The following DCC variants were observed in gnomAD, a reference collection of about 807,000 sequenced individuals.
DCC encodes the protein DCC netrin 1 receptor, also known as netrin receptor DCC.
DCC carries 58 observed loss-of-function variants against 172.5 expected under a neutral mutation model. The ratio of observed to expected loss-of-function variants is 0.34; its 90% CI spans 0.27 to 0.42. The LOEUF (loss-of-function observed/expected upper bound fraction) is 0.42, where lower values mean the gene tolerates loss of function less well. DCC is among the 10% of genes least tolerant of loss of function. The probability of loss-of-function intolerance (pLI) is 1.00; values close to 1 mark genes in which losing one functional copy is unlikely to be tolerated. For synonymous variants in DCC, 709 were observed against 644.5 expected (o/e 1.10, Z -1.52); for missense variants, 1,740 against 1,791.0 (o/e 0.97, Z 0.51).
chr18:53,396,453 C>T (rs991434997), intron 17 of DCC, among the ~76,000 whole-genome samples: 26 of 152,242 alleles, frequency 1.7e-4, no homozygotes, highest in African/African-American at 6.3e-4. Flanking sequence ...ATTTAAAAGA[C>T]AAAGAATGAA....
At chr18:53,172,775 C>G (rs2055033220) in intron 8 of DCC, among the ~76,000 whole-genome samples, 1 of 152,062 alleles carries the variant, frequency 6.6e-6, no homozygotes, top group Non-Finnish European at 1.5e-5. Flanking sequence ...GACCTCATGT[C>G]TTTTACCCAA....
intron 2 of DCC, among the ~76,000 whole-genome samples, chr18:52,892,872 T>G (rs2039671369): frequency 6.6e-6 from 1 of 152,152 alleles, no homozygotes; most frequent in Non-Finnish European, 1.5e-5. Context: ...TTTCCCCCAG[T>G]AGGTACTTCC....
intron 9 of DCC, among the ~76,000 whole-genome samples, chr18:53,185,667 C>A (rs1404058940): frequency 6.6e-6 from 1 of 152,150 alleles, no homozygotes; most frequent in Non-Finnish European, 1.5e-5. Flanking sequence ...TCAGAAAGTT[C>A]TCTCAGACAG....
intron 12 of DCC, among the ~76,000 whole-genome samples, chr18:53,229,501 T>C (rs564994329): frequency 6.6e-6 from 1 of 152,256 alleles, no homozygotes; most frequent in African/African-American, 2.4e-5. Context: ...GCCCTTTAGG[T>C]TATTCATATC....
intron 8 of DCC, among the ~76,000 whole-genome samples, chr18:53,163,884 CA>C (rs1248523965): frequency 6.6e-6 from 1 of 152,184 alleles, no homozygotes; most frequent in Non-Finnish European, 1.5e-5. Flanking sequence ...GTTTTATCAT[CA>C]ACAGTGACAG....
intron 7 of DCC, among the ~76,000 whole-genome samples, chr18:53,096,292 T>G (rs2043087325): frequency 2.0e-5 from 3 of 152,062 alleles, no homozygotes; most frequent in Non-Finnish European, 2.9e-5. Context: ...CGAGCTATGA[T>G]TGCACCCCTG....
chr18:53,358,930 A>T (rs956416069), intron 15 of DCC, among the ~76,000 whole-genome samples: 9 of 152,182 alleles, frequency 5.9e-5, no homozygotes, highest in Non-Finnish European at 1.0e-4. Flanking sequence ...AAGACCAGTG[A>T]TTGCATTAGT....
chr18:53,357,653 C>G (rs2057892126), intron 15 of DCC, among the ~76,000 whole-genome samples: 1 of 151,994 alleles, frequency 6.6e-6, no homozygotes, highest in Non-Finnish European at 1.5e-5. Flanking sequence ...GATGTTTGAC[C>G]TAAAATTTAG....
chr18:52,790,629 G>GTC (rs1421832873), intron 2 of DCC, among the ~76,000 whole-genome samples: 4 of 152,166 alleles, frequency 2.6e-5, no homozygotes, highest in African/African-American at 9.6e-5. Flanking sequence ...CCATACAAAA[G>GTC]TCTGGGATAT....
chr18:52,968,559 C>T (rs954867354), intron 5 of DCC, among the ~76,000 whole-genome samples: 10 of 152,098 alleles, frequency 6.6e-5, no homozygotes, highest in African/African-American at 2.4e-4. Context: ...TTGCCCTCTT[C>T]ATATCACAGC....
At chr18:53,476,330 A>G (rs1347370968) in intron 25 of DCC, among the ~76,000 whole-genome samples, 2 of 152,250 alleles carry the variant, frequency 1.3e-5, no homozygotes, top group South Asian at 2.1e-4. Context: ...GCAGAATTAT[A>G]TGGTTTGGCT....
intron 1 of DCC, among the ~76,000 whole-genome samples, chr18:52,694,738 G>A (rs2035985631): frequency 6.6e-6 from 1 of 152,044 alleles, no homozygotes; most frequent in Non-Finnish European, 1.5e-5. Context: ...GCTCTCAGGA[G>A]AATCACATTC....
At chr18:52,824,067 C>T (rs911403314) in intron 2 of DCC, among the ~76,000 whole-genome samples, 4 of 152,174 alleles carry the variant, frequency 2.6e-5, no homozygotes, top group African/African-American at 4.8e-5. Context: ...AATTGCAACT[C>T]CATGGCCAGT....
At chr18:53,220,181 G>C (rs995096640) in intron 12 of DCC, among the ~76,000 whole-genome samples, 1 of 152,144 alleles carries the variant, frequency 6.6e-6, no homozygotes, top group African/African-American at 2.4e-5. Flanking sequence ...CTCTGTGTCT[G>C]GGGTATGTGT....
At chr18:52,822,250 T>C (rs886910628) in intron 2 of DCC, among the ~76,000 whole-genome samples, 2 of 152,220 alleles carry the variant, frequency 1.3e-5, no homozygotes, top group African/African-American at 4.8e-5. Flanking sequence ...GTCAGGCTAT[T>C]CCAACAGGCA....
intron 1 of DCC, among the ~76,000 whole-genome samples, chr18:52,343,331 C>A (rs1983740018): frequency 6.6e-6 from 1 of 152,126 alleles, no homozygotes; most frequent in Admixed American, 6.5e-5. Context: ...AGTTTACTGG[C>A]AGAGAAATTC....
At chr18:53,321,599 C>G (rs1366974252) in intron 13 of DCC, among the ~76,000 whole-genome samples, 2 of 152,098 alleles carry the variant, frequency 1.3e-5, no homozygotes, top group Non-Finnish European at 2.9e-5. Flanking sequence ...ATATTTTCTT[C>G]TGAAGTGCAT....
rs2042522997 is a variant in DCC, at chr18:53,063,376, A to G, written c.1057A>G (p.Thr353Ala). 8 of 1,613,044 alleles carry G rather than the reference A, an allele frequency of 5.0e-6. No individual in the cohort carries two copies. The highest frequency in any genetic ancestry group is 5.9e-6 in the Non-Finnish European group (7 of 1,179,132). ...YESMDIEFEC[T>A]VSGKPVPTVN... ...AAGCATGGATATTGAGTTTGAATGTACAGTCTCTGGAAAGCCTGTGCCCAC... is the reference window on the plus strand; with the variant it reads ...AAGCATGGATATTGAGTTTGAATGTGCAGTCTCTGGAAAGCCTGTGCCCAC... The change falls in exon 6 of 29, where the codon ACA (threonine) becomes GCA (alanine). Residue 353 changes from threonine (T) to alanine (A), a missense_variant. Physicochemically the swap from Thr to Ala is moderately conservative, Grantham distance 58 (BLOSUM62 0). Around this residue, in one of 2 missense-constraint regions of DCC, gnomAD observed 1,732 missense variants for 1,767.4 expected, o/e 0.98. Coordinates refer to ENST00000442544, the MANE Select transcript of DCC (RefSeq NM_005215.4).
intron 1 of DCC, among the ~76,000 whole-genome samples, chr18:52,421,337 A>T (rs978622061): frequency 1.3e-5 from 2 of 152,172 alleles, no homozygotes; most frequent in Admixed American, 6.5e-5. Flanking sequence ...GGTGTCAGGG[A>T]TAACGATGGC....
Sources: allele counts gnomAD v4.1 joint callset (sites outside exome capture counted in the v4.1 genomes callset), GRCh38; gene constraint gnomAD v4.1.1; regional missense constraint gnomAD v4.1.1; transcripts MANE v1.5; gene names NCBI Gene and HGNC (gene_info 2026-07-23, HGNC 2026-07-21).